Variants in C9orf153 observed in about 807,000 individuals in gnomAD.
C9orf153 encodes uncharacterized protein C9orf153.
C9orf153 carries 10 observed loss-of-function variants against 9.0 expected under a neutral mutation model. That is an observed-to-expected ratio of 1.11 (90% CI 0.69 to 1.89). The LOEUF (loss-of-function observed/expected upper bound fraction) is 1.89. C9orf153 is among the 40% of genes most tolerant of loss of function. The probability of loss-of-function intolerance (pLI) is 0.00; values close to 1 mark genes in which losing one functional copy is unlikely to be tolerated. For missense variants in C9orf153, 108 were observed against 111.0 expected, an observed-to-expected ratio of 0.97 and a Z score of 0.12; for synonymous variants, 35 against 37.3, an observed-to-expected ratio of 0.94 and a Z score of 0.23.
intron 1 of C9orf153, among the ~76,000 whole-genome samples, chr9:86,248,320 G>T (rs185844844): frequency 6.6e-6 from 1 of 152,132 alleles, no homozygotes; most frequent in East Asian, 1.9e-4. Flanking sequence ...TTTTAGTAGA[G>T]ACTGGGTTTC....
intron 1 of C9orf153, among the ~76,000 whole-genome samples, chr9:86,231,215 C>T (rs943482003): frequency 6.6e-6 from 1 of 152,148 alleles, no homozygotes. Flanking sequence ...CCCAGCTGAG[C>T]AAGGCAACTC....
Position 86,221,168 on chromosome 9 carries a change from T to A in C9orf153, c.*520A>T, listed in dbSNP as rs987214144. On this transcript the variant is annotated 3_prime_UTR_variant, in exon 4 of 4. Transcript: ENST00000339137. ...TGTTTGTTGAATGTACCAAATACTT[T>A]ATGATGATGAACTTCCTTGTGTGCT... The A allele has an allele frequency of 6.6e-6, 1 of 152,384 alleles. No homozygotes were observed. The highest frequency in any genetic ancestry group is 2.4e-5 in the African/African-American group (1 of 41,468). The allele number at this position is 152,384 out of a possible 1,614,324, so 9.4% of individuals were successfully genotyped here.
chr9:86,254,965 T>G (rs1413003320), intron 1 of C9orf153, among the ~76,000 whole-genome samples: 2 of 151,568 alleles, frequency 1.3e-5, no homozygotes, highest in Non-Finnish European at 2.9e-5. Flanking sequence ...CTGAGGAGGC[T>G]TAGGTGGGAG....
intron 3 of C9orf153, among the ~76,000 whole-genome samples, chr9:86,223,631 G>A (rs1824254093): frequency 6.6e-6 from 1 of 152,126 alleles, no homozygotes; most frequent in Non-Finnish European, 1.5e-5. Context: ...GGTGATGATT[G>A]GACACAATTC....
chr9:86,229,587 T>C lies in C9orf153; in HGVS notation c.17A>G (p.Asp6Gly). Reference protein sequence around the residue: MFLTGDTSPAEDNREA... With the variant: MFLTGGTSPAEDNREA... ...TCTATTGTCCTCAGCTGGACTGGTG[T>C]CTCCAGTGAGGAACATCGTGCTGGG... The change falls in exon 2 of 4, where the codon GAC becomes GGC. Residue 6 changes from aspartate to glycine, a missense_variant. Physicochemically the swap from Asp to Gly is moderately conservative, Grantham distance 94. Transcript: ENST00000339137. 6.2e-7 allele frequency: 1 copy of C among 1,612,280 alleles called. No homozygotes were observed. Among genetic ancestry groups the C allele is most frequent in the Non-Finnish European group, 8.5e-7 (1 of 1,178,450 alleles).
chr9:86,251,568 C>A (rs1824994119), intron 1 of C9orf153, among the ~76,000 whole-genome samples: 2 of 151,622 alleles, frequency 1.3e-5, no homozygotes, highest in Admixed American at 6.6e-5. Flanking sequence ...TATACAACAT[C>A]ATGAGAATAT....
intron 3 of C9orf153, among the ~76,000 whole-genome samples, chr9:86,223,124 C>T (rs1050175736): frequency 3.9e-5 from 6 of 152,152 alleles, no homozygotes; most frequent in Non-Finnish European, 8.8e-5. Context: ...CTTTGGAGGC[C>T]TGGCATAGCA....
At chr9:86,227,767 C>T (rs1824368744) in intron 3 of C9orf153, 88 bp downstream of exon 3, 1 of 1,502,236 alleles carries the variant, frequency 6.7e-7, no homozygotes, top group Non-Finnish European at 8.9e-7. Context: ...TGGAGAGCCT[C>T]TCCATGGGAG....
chr9:86,234,666 C>T (rs61645516), intron 1 of C9orf153, among the ~76,000 whole-genome samples: 4,106 of 152,096 alleles, frequency 0.027, 192 homozygotes, highest in African/African-American at 0.093. Context: ...TGGTTTCTTG[C>T]GTATAACACG....
chr9:86,256,290 A>G (rs574167909), intron 1 of C9orf153, among the ~76,000 whole-genome samples: 2 of 152,344 alleles, frequency 1.3e-5, no homozygotes, highest in Admixed American at 1.3e-4. Context: ...TGGAATATCC[A>G]CTACTGTCTC....
intron 3 of C9orf153, among the ~76,000 whole-genome samples, chr9:86,223,516 C>T (rs746436572): frequency 6.6e-6 from 1 of 152,104 alleles, no homozygotes; most frequent in East Asian, 1.9e-4. Flanking sequence ...CTGACAGACA[C>T]TTTAGGTTGG....
chr9:86,227,832 TC>T, intron 3 of C9orf153, 22 bp downstream of exon 3: 8 of 1,591,352 alleles, frequency 5.0e-6, no homozygotes, highest in Non-Finnish European at 6.0e-6. Context: ...GATGCTTGCT[TC>T]TCTTTTTTAA....
At chr9:86,225,434 CTTCCTTCCT>C (rs778816263) in intron 3 of C9orf153, among the ~76,000 whole-genome samples, 1 of 137,212 alleles carries the variant, frequency 7.3e-6, no homozygotes, top group East Asian at 2.1e-4. Flanking sequence ...TCCTTCCTTC[CTTCCTTCCT>C]TCCTCTCTTT....
chr9:86,228,463 C>T (rs1175542151), intron 2 of C9orf153, among the ~76,000 whole-genome samples: 1 of 152,172 alleles, frequency 6.6e-6, no homozygotes, highest in Admixed American at 6.5e-5. Flanking sequence ...ATCAGAGCTT[C>T]ATCCTGTTGT....
chr9:86,256,090 T>C (rs1825118163), intron 1 of C9orf153, among the ~76,000 whole-genome samples: 1 of 152,268 alleles, frequency 6.6e-6, no homozygotes, highest in African/African-American at 2.4e-5. Context: ...ATGAGCACAA[T>C]GTGCATTCAC....
In C9orf153 at chr9:86,239,656, T is replaced by C. The variant is rs576746832; in HGVS notation, c.-26-10027A>G. Among the ~76,000 whole-genome samples the C allele has an allele frequency of 4.8e-4, 73 of 152,360 alleles. 1 individual carries two copies. The highest frequency in any genetic ancestry group is 1.6e-3 in the African/African-American group (68 of 41,594). On this transcript the variant is annotated intron_variant, in intron 1 of 3. Transcript: ENST00000339137. ...TGGAAGTGAGTGCCAATGGGCACCA[T>C]GCTTCTTTTGGGGCTGACAGAAAAG...
intron 1 of C9orf153, among the ~76,000 whole-genome samples, chr9:86,255,665 C>T (rs1268350749): frequency 6.6e-6 from 1 of 152,194 alleles, no homozygotes; most frequent in Admixed American, 6.5e-5. Context: ...CCATTCTCTT[C>T]GTAACCTCAA....
chr9:86,222,232 T>C (rs1053658943), intron 3 of C9orf153, among the ~76,000 whole-genome samples: 1 of 152,128 alleles, frequency 6.6e-6, no homozygotes, highest in Non-Finnish European at 1.5e-5. Flanking sequence ...GTCAATTTCA[T>C]GTAAAGCCTG....
At chr9:86,233,607 G>A (rs1824516333) in intron 1 of C9orf153, among the ~76,000 whole-genome samples, 1 of 151,874 alleles carries the variant, frequency 6.6e-6, no homozygotes, top group African/African-American at 2.4e-5. Flanking sequence ...GGTAGAGTCG[G>A]GATTCTGCCA....
Sources: gnomAD v4.1 joint callset for allele counts (sites outside exome capture counted in the v4.1 genomes callset) on GRCh38, gnomAD v4.1.1 for gene constraint, MANE v1.5 for transcripts, NCBI Gene and HGNC (gene_info 2026-07-23, HGNC 2026-07-21) for gene names.